The following CACNG3 variants were observed in gnomAD, a reference collection of about 807,000 sequenced individuals.
CACNG3 encodes voltage-dependent calcium channel gamma-3 subunit.
Under a neutral mutation model 28.5 loss-of-function variants are expected in CACNG3, and 3 were observed. That is an observed-to-expected ratio of 0.11 (90% CI 0.05 to 0.27). The LOEUF (loss-of-function observed/expected upper bound fraction) is 0.27. CACNG3 is among the 10% of genes least tolerant of loss of function. The pLI is 1.00. For synonymous variants in CACNG3, 174 were observed against 162.2 expected (o/e 1.07, Z -0.55); for missense variants, 236 against 414.4 (o/e 0.57, Z 3.74).
chr16:24,352,537 GT>G (rs767261672), intron 2 of CACNG3, among the ~76,000 whole-genome samples: 1 of 42,624 alleles, frequency 2.3e-5, no homozygotes, highest in African/African-American at 1.4e-4. Context: ...GTTGTTGTTT[GT>G]TTGTTTGTTT....
chr16:24,337,943 A>AGAAGGGCAGCTG (rs1218368008), intron 1 of CACNG3, among the ~76,000 whole-genome samples: 2 of 151,550 alleles, frequency 1.3e-5, no homozygotes, highest in Non-Finnish European at 2.9e-5. Flanking sequence ...AGGGACAGCT[A>AGAAGGGCAGCTG]GAAGGGCAGC....
intron 1 of CACNG3, among the ~76,000 whole-genome samples, chr16:24,300,648 C>T (rs1323169511): frequency 6.7e-6 from 1 of 150,228 alleles, no homozygotes; most frequent in East Asian, 1.9e-4. Context: ...ATAGACTGAG[C>T]ATGGTGGCTC....
chr16:24,278,295 T>A (rs1898778236), intron 1 of CACNG3, among the ~76,000 whole-genome samples: 1 of 152,090 alleles, frequency 6.6e-6, no homozygotes, highest in South Asian at 2.1e-4. Flanking sequence ...TGGGGGAACA[T>A]CCATGCATAA....
chr16:24,310,916 A>G (rs1899252635), intron 1 of CACNG3, among the ~76,000 whole-genome samples: 1 of 152,144 alleles, frequency 6.6e-6, no homozygotes, highest in Non-Finnish European at 1.5e-5. Flanking sequence ...GTATGCACAA[A>G]TTGGCTCCAG....
At chr16:24,353,605 G>A (rs1190934808) in intron 2 of CACNG3, among the ~76,000 whole-genome samples, 1 of 152,148 alleles carries the variant, frequency 6.6e-6, no homozygotes, top group Non-Finnish European at 1.5e-5. Context: ...CCTTTTGAAG[G>A]GCAGTGCCTG....
intron 1 of CACNG3, among the ~76,000 whole-genome samples, chr16:24,269,625 T>C (rs141297274): frequency 2.6e-5 from 4 of 151,450 alleles, no homozygotes; most frequent in Non-Finnish European, 5.9e-5. Flanking sequence ...TGGGCACCTG[T>C]AATCCCAGCT....
chr16:24,320,192 A>G (rs1286457170), intron 1 of CACNG3, among the ~76,000 whole-genome samples: 1 of 152,228 alleles, frequency 6.6e-6, no homozygotes, highest in Non-Finnish European at 1.5e-5. Flanking sequence ...ATTATGGTAT[A>G]GGTCCACAGT....
intron 1 of CACNG3, among the ~76,000 whole-genome samples, chr16:24,324,281 C>G (rs1567219231): frequency 6.6e-6 from 1 of 152,314 alleles, no homozygotes; most frequent in East Asian, 1.9e-4. Context: ...ATTCAGCCCA[C>G]AAACCCAGGT....
rs1438731661 is a variant in CACNG3, at chr16:24,345,521, T to TG, written c.212-1212dup. On this transcript the variant is annotated intron_variant, in intron 1 of 3. Transcript: ENST00000005284. Reference sequence around the variant, plus strand: ...TTCGAGATCAGCCTGGTCAACATGGTGAAACCCATCTCTCCTAAAAATACA... The same window carrying TG: ...TTCGAGATCAGCCTGGTCAACATGGTGGAAACCCATCTCTCCTAAAAATACA... 5.9e-5 allele frequency among the ~76,000 whole-genome samples: 9 copies of TG among 151,846 alleles called. No individual in the cohort carries two copies. The South Asian group carries it at 1.5e-3, about 25-fold the overall frequency.
chr16:24,301,314 A>AT (rs1327128081), intron 1 of CACNG3, among the ~76,000 whole-genome samples: 1 of 151,910 alleles, frequency 6.6e-6, no homozygotes, highest in Non-Finnish European at 1.5e-5. Context: ...ACATTGGGTC[A>AT]TTTTATCTTG....
At chr16:24,278,232 G>A (rs549336957) in intron 1 of CACNG3, among the ~76,000 whole-genome samples, 1 of 152,152 alleles carries the variant, frequency 6.6e-6, no homozygotes, top group Non-Finnish European at 1.5e-5. Flanking sequence ...ATGTGAATAA[G>A]AGCTTCCAAT....
rs1167985443 is a variant in CACNG3 at position 24,302,971 on chromosome 16, TTAAA to T, written c.212-43760_212-43757del. On this transcript the variant is annotated intron_variant, in intron 1 of 3. Transcript: ENST00000005284. ...CTCTGAACCTGACCTAATTTTTTTT[TTAAA>T]TAGAGATAAGGTCTTGCCGTGTTGC... Among the ~76,000 whole-genome samples, 8 of 152,164 alleles carry T rather than the reference TTAAA, an allele frequency of 5.3e-5. No homozygotes were observed. The East Asian group carries it at 1.5e-3, about 29-fold the overall frequency.
intron 1 of CACNG3, among the ~76,000 whole-genome samples, chr16:24,313,295 T>C (rs757052128): frequency 6.6e-6 from 1 of 152,190 alleles, no homozygotes; most frequent in East Asian, 1.9e-4. Context: ...TTAGCTCCAA[T>C]TTACAGAAGA....
rs80060167 is a variant in CACNG3, at chr16:24,327,100, G to C, written c.212-19634G>C. Reference sequence around the variant, plus strand: ...AGAGGTGGAGTCCTAAGTCTCTAAGGAGTGGCCAAGGCAGGGGCTCCAAAC... The same window carrying C: ...AGAGGTGGAGTCCTAAGTCTCTAAGCAGTGGCCAAGGCAGGGGCTCCAAAC... On this transcript the variant is annotated intron_variant, in intron 1 of 3. Transcript: ENST00000005284. Among the ~76,000 whole-genome samples the C allele has an allele frequency of 2.9e-3, 354 of 121,580 alleles. 11 individuals carry two copies. The East Asian group carries it at 0.063, about 22-fold the overall frequency. 79.8% of individuals were successfully genotyped at this position (121,580 alleles called of 152,430 possible).
chr16:24,262,413 TAGTC>T (rs1898547278), intron 1 of CACNG3, among the ~76,000 whole-genome samples: 1 of 152,220 alleles, frequency 6.6e-6, no homozygotes, highest in South Asian at 2.1e-4. Context: ...ACATGACTAA[TAGTC>T]AGACAGAATG....
At chr16:24,280,414 G>A (rs1460392554) in intron 1 of CACNG3, among the ~76,000 whole-genome samples, 4 of 152,106 alleles carry the variant, frequency 2.6e-5, no homozygotes, top group South Asian at 4.1e-4. Context: ...TGTTGTTTTC[G>A]TCCTTAAAAC....
intron 1 of CACNG3, among the ~76,000 whole-genome samples, chr16:24,302,635 T>TTTTTG (rs60301738): frequency 0.066 from 9,788 of 148,742 alleles, 410 homozygotes; most frequent in Middle Eastern, 0.11. Context: ...TTTTTGTTTG[T>TTTTTG]TTTTGTTTTG....
chr16:24,362,092 A>G lies in CACNG3; in HGVS notation c.*229A>G. On this transcript the variant is annotated 3_prime_UTR_variant, in exon 4 of 4. Coordinates refer to ENST00000005284, the MANE Select transcript of CACNG3 (RefSeq NM_006539.4). ...CTTAATGTCATTCCTCTCTCTGTGT[A>G]TCTGTGCCAGATGTTTTCCTTTCTT... The G allele has an allele frequency of 2.2e-6, 1 of 460,190 alleles. No individual in the cohort carries two copies. The highest frequency in any genetic ancestry group is 3.8e-6 in the Non-Finnish European group (1 of 262,756). The allele number at this position is 460,190 out of a possible 1,614,324, so 28.5% of individuals were successfully genotyped here.
At chr16:24,294,237 C>T (rs1448895020) in intron 1 of CACNG3, among the ~76,000 whole-genome samples, 1 of 152,310 alleles carries the variant, frequency 6.6e-6, no homozygotes, top group South Asian at 2.1e-4. Flanking sequence ...GAACGTCTCC[C>T]CTCCGGGCAG....
Sources: allele counts gnomAD v4.1 joint callset (sites outside exome capture counted in the v4.1 genomes callset), GRCh38; gene constraint gnomAD v4.1.1; transcripts MANE v1.5; gene names NCBI Gene and HGNC (gene_info 2026-07-23, HGNC 2026-07-21).